Variants in DUSP16 observed in about 807,000 individuals in gnomAD.
DUSP16 encodes dual specificity phosphatase 16.
In DUSP16, 21 loss-of-function variants were observed where a neutral mutation model predicts 58.3. The ratio of observed to expected loss-of-function variants is 0.36; its 90% CI spans 0.26 to 0.52. DUSP16 has a LOEUF of 0.52. Among genes scored for constraint, DUSP16 ranks in the 20% least tolerant of loss-of-function variants. The pLI, the probability that DUSP16 is intolerant of heterozygous loss-of-function variation, is 0.94. For synonymous variants in DUSP16, 320 were observed against 323.8 expected, an observed-to-expected ratio of 0.99 and a Z score of 0.12; for missense variants, 726 against 819.0, an observed-to-expected ratio of 0.89 and a Z score of 1.39.
intron 2 of DUSP16, among the ~76,000 whole-genome samples, chr12:12,520,547 A>G (rs11054950): frequency 0.085 from 12,997 of 152,252 alleles, 1,042 homozygotes; most frequent in East Asian, 0.39. Context: ...CTTTCTTTCC[A>G]AAGAACTTGA....
intron 3 of DUSP16, among the ~76,000 whole-genome samples, chr12:12,518,942 A>G (rs1944191622): frequency 6.6e-6 from 1 of 152,238 alleles, no homozygotes; most frequent in African/African-American, 2.4e-5. Context: ...AGAGTTTAAA[A>G]TTATTAACAC....
chr12:12,488,911 C>G (rs1183906181), intron 4 of DUSP16, among the ~76,000 whole-genome samples: 1 of 152,180 alleles, frequency 6.6e-6, no homozygotes, highest in Admixed American at 6.5e-5. Flanking sequence ...GAAACCCCAA[C>G]TCTACTAAAA....
At chr12:12,556,048 TAAA>T (rs1260719897) in intron 1 of DUSP16, among the ~76,000 whole-genome samples, 1 of 151,990 alleles carries the variant, frequency 6.6e-6, no homozygotes, top group Non-Finnish European at 1.5e-5. Flanking sequence ...CTCAAAAAAA[TAAA>T]AATTAAATAA....
chr12:12,520,002 T>G lies in DUSP16; in HGVS notation c.229-2A>C. Reference sequence around the variant, plus strand: ...CTTCTGACTGCAATCAATGTCAACCTGAAATGCAAACATGAGGCTTGTTAG... The same window carrying G: ...CTTCTGACTGCAATCAATGTCAACCGGAAATGCAAACATGAGGCTTGTTAG... On this transcript the variant is annotated splice_acceptor_variant, in intron 2 of 6. Transcript: ENST00000298573. LOFTEE classifies it high-confidence loss of function. 6.2e-7 allele frequency: 1 copy of G among 1,614,046 alleles called. No individual in the cohort carries two copies. Among genetic ancestry groups the G allele is most frequent in the Non-Finnish European group, 8.5e-7 (1 of 1,179,944 alleles).
intron 1 of DUSP16, among the ~76,000 whole-genome samples, chr12:12,550,471 G>C (rs1009216369): frequency 7.9e-5 from 12 of 152,224 alleles, no homozygotes; most frequent in African/African-American, 2.2e-4. Flanking sequence ...TACAACAGTG[G>C]GTCGAGGATG....
At chr12:12,517,686 G>C (rs1227293418) in intron 3 of DUSP16, among the ~76,000 whole-genome samples, 1 of 152,158 alleles carries the variant, frequency 6.6e-6, no homozygotes, top group African/African-American at 2.4e-5. Flanking sequence ...AAGAAATCCA[G>C]CTGCTCAGAA....
rs1306701690 is a variant in DUSP16, at chr12:12,473,679, A to AG, written c.*3153dup. ...TCAATATTCCATCTGTTTGCACTGAAGCTTTATTCCTTCAATGCCTAATTT... is the reference window on the plus strand; with the variant it reads ...TCAATATTCCATCTGTTTGCACTGAAGGCTTTATTCCTTCAATGCCTAATTT... On this transcript the variant is annotated 3_prime_UTR_variant, in exon 7 of 7. Coordinates refer to ENST00000298573, the MANE Select transcript of DUSP16 (RefSeq NM_030640.3). 6.6e-6 allele frequency among the ~76,000 whole-genome samples: 1 copy of AG among 152,184 alleles called. No individual in the cohort carries two copies. Among genetic ancestry groups the AG allele is most frequent in the Non-Finnish European group, 1.5e-5 (1 of 68,032 alleles).
chr12:12,515,330 C>CTTTTTT (rs34048427), intron 3 of DUSP16, among the ~76,000 whole-genome samples: 1 of 138,746 alleles, frequency 7.2e-6, no homozygotes. Flanking sequence ...TATTAATATG[C>CTTTTTT]TTTTTTTTTT....
chr12:12,558,972 A>C (rs1271694343), intron 1 of DUSP16, among the ~76,000 whole-genome samples: 1 of 152,138 alleles, frequency 6.6e-6, no homozygotes, highest in Non-Finnish European at 1.5e-5. Flanking sequence ...TATTTGATTA[A>C]AATTCTAACT....
At chr12:12,559,381 T>TA (rs1190891742) in intron 1 of DUSP16, among the ~76,000 whole-genome samples, 15 of 152,218 alleles carry the variant, frequency 9.9e-5, no homozygotes, top group African/African-American at 3.1e-4. Flanking sequence ...AAATCTGTCA[T>TA]AAAATCTGTT....
rs116640802 is a variant in DUSP16, at chr12:12,490,560, C to T, written c.532-3373G>A. ...AATGATATATACATACTCGAAACAT[C>T]ATTTTAACTTAAAACAAATAAACAT... On this transcript the variant is annotated intron_variant, in intron 4 of 6. Transcript: ENST00000298573. Among the ~76,000 whole-genome samples the T allele has an allele frequency of 5.4e-3, 815 of 152,310 alleles. 8 individuals are homozygous for T. The highest frequency in any genetic ancestry group is 0.018 in the African/African-American group (743 of 41,558).
chr12:12,558,623 T>C (rs1466488188), intron 1 of DUSP16, among the ~76,000 whole-genome samples: 1 of 152,200 alleles, frequency 6.6e-6, no homozygotes, highest in African/African-American at 2.4e-5. Context: ...CAAGTGATCC[T>C]CCTGCCTTAG....
At chr12:12,512,438 A>T (rs1369936138) in intron 3 of DUSP16, among the ~76,000 whole-genome samples, 1 of 152,160 alleles carries the variant, frequency 6.6e-6, no homozygotes, top group Non-Finnish European at 1.5e-5. Flanking sequence ...GAACTTACTC[A>T]TCATATCACT....
chr12:12,538,373 C>T (rs550821816), intron 1 of DUSP16, among the ~76,000 whole-genome samples: 1 of 152,314 alleles, frequency 6.6e-6, no homozygotes, highest in South Asian at 2.1e-4. Flanking sequence ...ACTGAAATTT[C>T]ATAGCCAAAG....
intron 4 of DUSP16, among the ~76,000 whole-genome samples, chr12:12,494,214 G>A (rs1240034250): frequency 2.6e-5 from 4 of 151,966 alleles, no homozygotes; most frequent in Non-Finnish European, 4.4e-5. Flanking sequence ...GTTTTTCCTG[G>A]GTTGAAAATT....
At chr12:12,515,880 A>G (rs1378532468) in intron 3 of DUSP16, among the ~76,000 whole-genome samples, 1 of 151,956 alleles carries the variant, frequency 6.6e-6, no homozygotes, top group African/African-American at 2.4e-5. Context: ...GGTTCAAGCA[A>G]TTCTCCTGCC....
intron 1 of DUSP16, among the ~76,000 whole-genome samples, chr12:12,523,781 T>A (rs183589404): frequency 9.6e-4 from 146 of 152,320 alleles, no homozygotes; most frequent in Non-Finnish European, 1.7e-3. Context: ...TGTATTCAGA[T>A]TGTCTGATTC....
intron 1 of DUSP16, among the ~76,000 whole-genome samples, chr12:12,534,091 G>T (rs1025933603): frequency 6.6e-6 from 1 of 152,164 alleles, no homozygotes; most frequent in African/African-American, 2.4e-5. Context: ...CTTGCTCTGA[G>T]CAACTATTTC....
intron 1 of DUSP16, among the ~76,000 whole-genome samples, chr12:12,527,060 G>A (rs879735424): frequency 1.3e-5 from 2 of 152,204 alleles, no homozygotes; most frequent in Non-Finnish European, 2.9e-5. Flanking sequence ...TAACAGGCCT[G>A]TTGAGTGAGG....
Sources: gnomAD v4.1 joint callset for allele counts (sites outside exome capture counted in the v4.1 genomes callset) on GRCh38, gnomAD v4.1.1 for gene constraint, MANE v1.5 for transcripts, NCBI Gene and HGNC (gene_info 2026-07-23, HGNC 2026-07-21) for gene names.